KAT6A: variants seen among roughly 807,000 people sequenced by gnomAD.
KAT6A encodes histone acetyltransferase KAT6A.
KAT6A carries 9 observed loss-of-function variants against 198.4 expected under a neutral mutation model. That is an observed-to-expected ratio of 0.05 (90% CI 0.03 to 0.08). The LOEUF is 0.08. Ranked by LOEUF, KAT6A falls within the 10% of genes least tolerant of loss-of-function variation. The probability of loss-of-function intolerance (pLI) is 1.00; values close to 1 mark genes in which losing one functional copy is unlikely to be tolerated. For synonymous variants in KAT6A, 890 were observed against 883.0 expected, an observed-to-expected ratio of 1.01 and a Z score of -0.14; for missense variants, 2,077 against 2,509.9, an observed-to-expected ratio of 0.83 and a Z score of 3.69.
At chr8:42,000,737 A>G (rs931374459) in intron 2 of KAT6A, among the ~76,000 whole-genome samples, 1 of 152,234 alleles carries the variant, frequency 6.6e-6, no homozygotes, top group Non-Finnish European at 1.5e-5. Context: ...GAAGAACAAT[A>G]ACTGATACAT....
chr8:42,031,063 T>C lies in KAT6A; in HGVS notation c.600+17315A>G, dbSNP rs115745482. ...AGGGGGGGGGGACAGGAGAAATGTATACATAAAGTGATCATTTGTATACAC... is the reference window on the plus strand; with the variant it reads ...AGGGGGGGGGGACAGGAGAAATGTACACATAAAGTGATCATTTGTATACAC... On this transcript the variant is annotated intron_variant, in intron 2 of 16. Coordinates refer to ENST00000265713, the MANE Select transcript of KAT6A (RefSeq NM_006766.5). 3.0e-3 allele frequency among the ~76,000 whole-genome samples: 420 copies of C among 141,416 alleles called. 2 individuals are homozygous for C. The highest frequency in any genetic ancestry group is 0.011 in the African/African-American group (400 of 37,510). The allele number at this position is 141,416 out of a possible 152,430, so 92.8% of individuals were successfully genotyped here.
chr8:41,942,207 C>T (rs970469485), intron 14 of KAT6A: 10 of 215,042 alleles, frequency 4.7e-5, no homozygotes, highest in Middle Eastern at 1.5e-3. Context: ...CTAAAGAGAT[C>T]TGTGTGTCCA....
rs140342559 is a variant in KAT6A at position 41,997,883 on chromosome 8, G to A, written c.601-10320C>T. Among the ~76,000 whole-genome samples the A allele has an allele frequency of 1.1e-4, 16 of 152,206 alleles. No homozygotes were observed. The East Asian group carries it at 2.1e-3, about 20-fold the overall frequency. On this transcript the variant is annotated intron_variant, in intron 2 of 16. Coordinates refer to ENST00000265713, the MANE Select transcript of KAT6A (RefSeq NM_006766.5). Reference sequence around the variant, plus strand: ...ATCTATAAGCTGATAAACATCTACTGACAAGCACTCTACTATACAAATACC... The same window carrying A: ...ATCTATAAGCTGATAAACATCTACTAACAAGCACTCTACTATACAAATACC...
chr8:42,006,900 G>A (rs1453107334), intron 2 of KAT6A, among the ~76,000 whole-genome samples: 2 of 148,274 alleles, frequency 1.3e-5, no homozygotes, highest in Non-Finnish European at 3.0e-5. Context: ...GGAGGCTGAG[G>A]CACAAGAATC....
chr8:41,948,351 T>C (rs1822498172), intron 10 of KAT6A, among the ~76,000 whole-genome samples: 1 of 152,224 alleles, frequency 6.6e-6, no homozygotes, highest in South Asian at 2.1e-4. Flanking sequence ...CCTGAAGCAA[T>C]GCAATCTGAC....
intron 9 of KAT6A, among the ~76,000 whole-genome samples, chr8:41,952,737 T>G (rs888222356): frequency 1.3e-5 from 2 of 152,136 alleles, no homozygotes; most frequent in Non-Finnish European, 2.9e-5. Flanking sequence ...ATTAACAAAA[T>G]TAAGAATAGA....
chr8:42,038,373 T>C (rs1173243359), intron 2 of KAT6A, among the ~76,000 whole-genome samples: 4 of 152,226 alleles, frequency 2.6e-5, no homozygotes, highest in African/African-American at 9.6e-5. Flanking sequence ...CAAGAGTGTA[T>C]AGCTATTTTC....
chr8:41,982,488 GCTTT>G (rs1824410475), intron 3 of KAT6A, among the ~76,000 whole-genome samples: 1 of 152,050 alleles, frequency 6.6e-6, no homozygotes, highest in South Asian at 2.1e-4. Context: ...CCGCAGTTTT[GCTTT>G]CTGAGGCTTT....
chr8:42,011,758 TAAG>T (rs1490313191), intron 2 of KAT6A, among the ~76,000 whole-genome samples: 1 of 149,126 alleles, frequency 6.7e-6, no homozygotes, highest in Non-Finnish European at 1.5e-5. Flanking sequence ...AAAAAAAGAA[TAAG>T]AAACTCAGAA....
chr8:41,932,097 C>G lies in KAT6A; in HGVS notation c.*108G>C. The G allele has an allele frequency of 9.5e-7, 1 of 1,057,254 alleles. No individual in the cohort carries two copies. Among genetic ancestry groups the G allele is most frequent in the Non-Finnish European group, 1.2e-6 (1 of 807,220 alleles). The allele number at this position is 1,057,254 out of a possible 1,614,324, so 65.5% of individuals were successfully genotyped here. A position where few individuals can be genotyped will look rare whatever the true frequency, so the allele number is the denominator to read the frequency against. ...AAACCAAAGAAAAATTCCTCTAAAT[C>G]TACAGCAATATTTTAACTGGAAAAA... On this transcript the variant is annotated 3_prime_UTR_variant, in exon 17 of 17. Transcript: ENST00000265713.
rs766158215 is a variant in KAT6A, at chr8:41,933,718, T to A, written c.4502A>T (p.Asn1501Ile). The A allele has an allele frequency of 6.2e-7, 1 of 1,614,040 alleles. No individual in the cohort carries two copies. ...SQSVRSVSSP[N>I]VPALESGYTQ... ...GTAGCCACTCTCAAGGGCAGGCACG[T>A]TGGGACTGCTGACCGAACGGACTGA... The change falls in exon 17 of 17, where the codon AAC becomes ATC. Residue 1501 changes from asparagine (N) to isoleucine (I), a missense_variant. Coordinates refer to ENST00000265713, the MANE Select transcript of KAT6A (RefSeq NM_006766.5). The surrounding 1 kb of genome is among the most constrained non-coding windows in gnomAD (Gnocchi z 6.2).
intron 2 of KAT6A, among the ~76,000 whole-genome samples, chr8:42,046,723 G>A (rs1457765127): frequency 6.6e-6 from 1 of 152,106 alleles, no homozygotes; most frequent in South Asian, 2.1e-4. Context: ...AGTTTCTACA[G>A]GTAAGAGTTC....
At chr8:42,031,093 A>C (rs908675511) in intron 2 of KAT6A, among the ~76,000 whole-genome samples, 9 of 151,756 alleles carry the variant, frequency 5.9e-5, no homozygotes, top group African/African-American at 1.9e-4. Flanking sequence ...ATACACATAC[A>C]ATCATTTCAA....
At chr8:42,037,348 T>C (rs1827431447) in intron 2 of KAT6A, among the ~76,000 whole-genome samples, 1 of 152,164 alleles carries the variant, frequency 6.6e-6, no homozygotes, top group Non-Finnish European at 1.5e-5. Context: ...AAAGATGCCC[T>C]GAATAGAAAA....
intron 8 of KAT6A, among the ~76,000 whole-genome samples, chr8:41,970,773 G>GT (rs1823752405): frequency 6.6e-6 from 1 of 152,186 alleles, no homozygotes; most frequent in Admixed American, 6.5e-5. Flanking sequence ...ACATGCACAT[G>GT]TATGTTTATT....
At chr8:42,034,151 G>A (rs887700027) in intron 2 of KAT6A, among the ~76,000 whole-genome samples, 20 of 152,120 alleles carry the variant, frequency 1.3e-4, no homozygotes, top group African/African-American at 4.8e-4. Flanking sequence ...AAAAATATAG[G>A]GGCAAGGGAA....
intron 7 of KAT6A, among the ~76,000 whole-genome samples, chr8:41,976,131 A>T (rs1824038013): frequency 6.6e-6 from 1 of 152,206 alleles, no homozygotes; most frequent in African/African-American, 2.4e-5. Context: ...ATCAACCACG[A>T]ATGAGAGCAG....
chr8:42,025,849 CTTTCTTGT>C (rs1204361888), intron 2 of KAT6A, among the ~76,000 whole-genome samples: 2 of 152,094 alleles, frequency 1.3e-5, no homozygotes, highest in East Asian at 3.8e-4. Context: ...TGTCCTTAAG[CTTTCTTGT>C]TTTCTTGTAG....
chr8:41,941,351 T>C lies in KAT6A; in HGVS notation c.2530A>G (p.Thr844Ala), dbSNP rs1219451508. The C allele has an allele frequency of 6.2e-7, 1 of 1,612,930 alleles. No homozygotes were observed. Among genetic ancestry groups the C allele is most frequent in the Admixed American group, 1.7e-5 (1 of 60,022 alleles). The change falls in exon 15 of 17, where the codon ACA becomes GCA. Residue 844 changes from threonine (T) to alanine (A), a missense_variant. Physicochemically the swap from Thr to Ala is moderately conservative, Grantham distance 58 (BLOSUM62 0). Transcript: ENST00000265713. ...KPEVMAPVSS[T>A]RLSKQVLPHD... ...GGAAGGACTTGTTTGCTCAAACGTG[T>C]AGAACTGACTGGAGCCATAACTTCT...
Sources: gnomAD v4.1 joint callset for allele counts (sites outside exome capture counted in the v4.1 genomes callset) on GRCh38, gnomAD v4.1.1 for gene constraint, Gnocchi (gnomAD v3.1) non-coding constraint, MANE v1.5 for transcripts, NCBI Gene and HGNC (gene_info 2026-07-23, HGNC 2026-07-21) for gene names.